Variants in DRC11L observed in about 807,000 individuals in gnomAD.
DRC11L encodes dynein regulatory complex subunit 11 like.
At chr7:151,197,961 G>C in the DRC11L span, 1 of 394,562 alleles carries the variant, frequency 2.5e-6, no homozygotes, top group African/African-American at 2.1e-5. Flanking sequence ...TGGACAAATG[G>C]ATGGATGGAT....
the DRC11L span, chr7:151,198,869 C>G: frequency 4.1e-4 from 165 of 399,144 alleles, no homozygotes; most frequent in African/African-American, 3.1e-3. Context: ...CTGTCTCTAC[C>G]AGAGAATCAT....
At chr7:151,203,101 C>G in the DRC11L span, 1 of 399,174 alleles carries the variant, frequency 2.5e-6, no homozygotes, top group East Asian at 3.6e-5. Flanking sequence ...AAAGCTCTGG[C>G]CAGAGCAGGG....
chr7:151,196,769 G>A, the DRC11L span, among the ~76,000 whole-genome samples: 11 of 152,220 alleles, frequency 7.2e-5, no homozygotes, highest in African/African-American at 2.4e-4. Context: ...CCCAAGGCCT[G>A]TGGCCACAGA....
the DRC11L span, among the ~76,000 whole-genome samples, chr7:151,199,783 C>T: frequency 6.6e-6 from 1 of 152,266 alleles, no homozygotes; most frequent in Non-Finnish European, 1.5e-5. The surrounding 1 kb of genome is among the most constrained non-coding windows in gnomAD (Gnocchi z 5.2). Context: ...AAAGCCCTTC[C>T]CCCAGGGAGC....
chr7:151,195,956 C>T, the DRC11L span: 6 of 284,046 alleles, frequency 2.1e-5, no homozygotes, highest in African/African-American at 1.3e-4. Context: ...CCGAAGATCC[C>T]CCGCTGAGGT....
At chr7:151,196,693 G>A in the DRC11L span, 1 of 398,214 alleles carries the variant, frequency 2.5e-6, no homozygotes. Context: ...CCAGGCCCTG[G>A]CTGGTTGCCT....
chr7:151,194,000 C>T, the DRC11L span, among the ~76,000 whole-genome samples: 5 of 151,928 alleles, frequency 3.3e-5, no homozygotes, highest in Non-Finnish European at 7.4e-5. Context: ...GGGAGCAGAA[C>T]AGACCCTGGG....
At chr7:151,205,449 A>G in the DRC11L span, 1 of 399,214 alleles carries the variant, frequency 2.5e-6, no homozygotes, top group East Asian at 3.6e-5. Flanking sequence ...CTCACCCCTC[A>G]GACATTGTGT....
the DRC11L span, chr7:151,203,144 G>C: frequency 5.0e-6 from 2 of 399,116 alleles, no homozygotes; most frequent in Non-Finnish European, 8.8e-6. Flanking sequence ...GGGAGAGCTT[G>C]CATCCAGGGT....
At chr7:151,195,326 C>A in the DRC11L span, 1 of 398,550 alleles carries the variant, frequency 2.5e-6, no homozygotes, top group South Asian at 1.3e-4. Flanking sequence ...GCGACTTTCC[C>A]AAGGTCTCAC....
the DRC11L span, among the ~76,000 whole-genome samples, chr7:151,198,314 G>T: frequency 2.0e-5 from 3 of 151,958 alleles, no homozygotes; most frequent in Admixed American, 6.5e-5. Context: ...AGGTAGAAGG[G>T]TGGGTAGGTG....
chr7:151,196,878 C>A, the DRC11L span: 1 of 398,956 alleles, frequency 2.5e-6, no homozygotes, highest in South Asian at 1.3e-4. Context: ...CCCACACTGC[C>A]ACTTCATGGT....
the DRC11L span, among the ~76,000 whole-genome samples, chr7:151,203,961 G>T: frequency 1.3e-5 from 2 of 152,122 alleles, no homozygotes; most frequent in African/African-American, 4.8e-5. Flanking sequence ...GACTGGAGGC[G>T]CCGCAGAAGC....
chr7:151,191,456 GC>G, the DRC11L span, among the ~76,000 whole-genome samples: 1 of 152,216 alleles, frequency 6.6e-6, no homozygotes, highest in Non-Finnish European at 1.5e-5. Context: ...AGGTGGGACG[GC>G]CCCGAAGCCT....
At chr7:151,196,712 C>T in the DRC11L span, among the ~76,000 whole-genome samples, 1 of 152,218 alleles carries the variant, frequency 6.6e-6, no homozygotes, top group East Asian at 1.9e-4. Flanking sequence ...CTTGTCCCCA[C>T]CCACCAGCCT....
chr7:151,196,287 A>G, the DRC11L span, among the ~76,000 whole-genome samples: 2 of 152,198 alleles, frequency 1.3e-5, no homozygotes, highest in African/African-American at 4.8e-5. Context: ...TGGAGGCAGC[A>G]AAGTCTACCG....
the DRC11L span, among the ~76,000 whole-genome samples, chr7:151,203,903 A>T: frequency 1.3e-5 from 2 of 152,224 alleles, no homozygotes; most frequent in Non-Finnish European, 1.5e-5. Flanking sequence ...TGGTTGGGGA[A>T]ACTTTGAGAT....
chr7:151,204,468 T>C, the DRC11L span: 2 of 352,028 alleles, frequency 5.7e-6, no homozygotes, highest in African/African-American at 2.1e-5. Flanking sequence ...CCCCTCCCGC[T>C]AGCTGGCTGG....
At chr7:151,197,041 C>G in the DRC11L span, 5 of 399,716 alleles carry the variant, frequency 1.3e-5, no homozygotes, top group Non-Finnish European at 2.2e-5. Flanking sequence ...CTTGCAACAC[C>G]GCATCCACTT....
Sources: gnomAD v4.1 joint callset for allele counts (sites outside exome capture counted in the v4.1 genomes callset) on GRCh38, gnomAD v4.1.1 for gene constraint, Gnocchi (gnomAD v3.1) non-coding constraint, MANE v1.5 for transcripts, NCBI Gene and HGNC (gene_info 2026-07-23, HGNC 2026-07-21) for gene names.